Variants in PRKCZ observed in about 807,000 individuals in gnomAD.
PRKCZ encodes protein kinase C zeta type.
A neutral mutation model predicts 79.5 loss-of-function variants in PRKCZ; 33 were observed. The ratio of observed to expected loss-of-function variants is 0.41; its 90% CI spans 0.31 to 0.55. PRKCZ has a LOEUF of 0.55. Ranked by LOEUF, PRKCZ falls within the 20% of genes least tolerant of loss-of-function variation. PRKCZ has a pLI of 0.19. For synonymous variants in PRKCZ, 342 were observed against 320.9 expected (o/e 1.07, Z -0.70); for missense variants, 578 against 813.5 (o/e 0.71, Z 3.52).
chr1:2,080,325 A>G (rs376902755), intron 4 of PRKCZ, among the ~76,000 whole-genome samples: 2 of 150,560 alleles, frequency 1.3e-5, no homozygotes, highest in Non-Finnish European at 2.9e-5. Flanking sequence ...AGGTAGGGGC[A>G]GTGCGCGTGG....
At chr1:2,074,022 GA>G (rs1330883111) in intron 4 of PRKCZ, 41 of 1,433,336 alleles carry the variant, frequency 2.9e-5, no homozygotes, top group Non-Finnish European at 3.4e-5. Flanking sequence ...GACGGTGCCC[GA>G]GTCAGCATTT....
rs1679481253 is a variant in PRKCZ at position 2,149,859 on chromosome 1, T to TG, written c.688-931_688-930insG. On this transcript the variant is annotated intron_variant, in intron 8 of 17. Transcript: ENST00000378567. The surrounding 1 kb of genome is among the most constrained non-coding windows in gnomAD (Gnocchi z 4.1). Reference sequence around the variant, plus strand: ...CTGGGCGACAGAGGAAGAGTCTGTCTCAAAAAAAGCAGAATCCGGCTGGGC... The same window carrying TG: ...CTGGGCGACAGAGGAAGAGTCTGTCTGCAAAAAAAGCAGAATCCGGCTGGGC... Among the ~76,000 whole-genome samples the TG allele has an allele frequency of 2.0e-5, 3 of 150,716 alleles. No individual in the cohort carries two copies. The highest frequency in any genetic ancestry group is 4.4e-5 in the Non-Finnish European group (3 of 67,754).
intron 16 of PRKCZ, among the ~76,000 whole-genome samples, chr1:2,179,480 G>A (rs1192618774): frequency 6.6e-6 from 1 of 152,230 alleles, no homozygotes; most frequent in Admixed American, 6.5e-5. Context: ...AGGAGTCTGA[G>A]ATTTGAAGCG....
intron 4 of PRKCZ, chr1:2,105,001 G>C (rs1668131609): frequency 1.2e-6 from 1 of 838,482 alleles, no homozygotes; most frequent in Non-Finnish European, 1.4e-6. Flanking sequence ...TGTTGACCTT[G>C]ATCTGTGACA....
intron 4 of PRKCZ, among the ~76,000 whole-genome samples, chr1:2,068,940 C>T (rs1661340982): frequency 2.0e-5 from 3 of 152,306 alleles, no homozygotes; most frequent in Admixed American, 2.0e-4. Context: ...CTTTCGGACC[C>T]CTCTAAGAAG....
intron 4 of PRKCZ, chr1:2,133,722 A>G (rs2103014313): frequency 6.5e-6 from 1 of 152,698 alleles, no homozygotes; most frequent in Non-Finnish European, 1.5e-5. Context: ...TGTGGCCCAC[A>G]GTACCTCCGT....
At chr1:2,074,291 C>T (rs1301216306) in intron 4 of PRKCZ, 3 of 1,549,348 alleles carry the variant, frequency 1.9e-6, no homozygotes, top group Admixed American at 2.0e-5. Flanking sequence ...TGGCCCAGGC[C>T]TGGTGGATGT....
In PRKCZ at chr1:2,147,928, C is replaced by T. The variant is rs572149342; in HGVS notation, c.635-944C>T. 3.8e-4 allele frequency among the ~76,000 whole-genome samples: 58 copies of T among 151,292 alleles called. 1 individual carries two copies. Among genetic ancestry groups the T allele is most frequent in the Middle Eastern group, 6.9e-3 (2 of 290 alleles). On this transcript the variant is annotated intron_variant, in intron 7 of 17. Transcript: ENST00000378567. ...CTTTCCGTCTGTTGTCCACTGACCTCTCCGTCTATCCATCTATCTATTGTC... is the reference window on the plus strand; with the variant it reads ...CTTTCCGTCTGTTGTCCACTGACCTTTCCGTCTATCCATCTATCTATTGTC...
rs148385117 is a variant in PRKCZ at position 2,121,214 on chromosome 1, C to A, written c.335-14048C>A. On this transcript the variant is annotated intron_variant, in intron 4 of 17. Coordinates refer to ENST00000378567, the MANE Select transcript of PRKCZ (RefSeq NM_002744.6). ...AATGGCCCCAGAACCCTTAACTCCT[C>A]CCAGTGTGGCGGGGGCAGTCTTGTC... 2.2e-4 allele frequency among the ~76,000 whole-genome samples: 33 copies of A among 152,346 alleles called. No homozygotes were observed. The East Asian group carries it at 5.4e-3, about 25-fold the overall frequency.
chr1:2,172,792 G>T lies in PRKCZ; in HGVS notation c.1285+404G>T, dbSNP rs1419478739. On this transcript the variant is annotated intron_variant, in intron 13 of 17. Transcript: ENST00000378567. The surrounding 1 kb of genome is among the most constrained non-coding windows in gnomAD (Gnocchi z 7.8). ...GGACCCCACAGGCCCTGCGGCTGAG[G>T]ACGCCGTGCACACCAGAGTGTTTCT... 6.6e-6 allele frequency among the ~76,000 whole-genome samples: 1 copy of T among 152,250 alleles called. No homozygotes were observed. Among genetic ancestry groups the T allele is most frequent in the Non-Finnish European group, 1.5e-5 (1 of 68,036 alleles).
rs1484202860 is a variant in PRKCZ at position 2,128,662 on chromosome 1, G to A, written c.335-6600G>A. ...GCTTCAGCAGAGCCTGGCACCCAGGGAGGTGGCAGGATGGGTCCCCAATGG... is the reference window on the plus strand; with the variant it reads ...GCTTCAGCAGAGCCTGGCACCCAGGAAGGTGGCAGGATGGGTCCCCAATGG... On this transcript the variant is annotated intron_variant, in intron 4 of 17. Transcript: ENST00000378567. This position sits in a 1 kb window ranked among gnomAD's most constrained non-coding sequence, Gnocchi z 6.5. 6.6e-6 allele frequency among the ~76,000 whole-genome samples: 1 copy of A among 152,178 alleles called. No individual in the cohort carries two copies. The highest frequency in any genetic ancestry group is 1.5e-5 in the Non-Finnish European group (1 of 68,038).
intron 1 of PRKCZ, chr1:2,051,055 G>A (rs1014196871): frequency 2.8e-5 from 6 of 210,964 alleles, no homozygotes; most frequent in Admixed American, 2.4e-4. Flanking sequence ...AACTCCTGGC[G>A]GGTTTCTTAA....
intron 4 of PRKCZ, among the ~76,000 whole-genome samples, chr1:2,114,877 C>G (rs1237416840): frequency 1.3e-5 from 2 of 152,230 alleles, no homozygotes; most frequent in Non-Finnish European, 2.9e-5. Flanking sequence ...GGCCTGGGTG[C>G]CTCCATTCTC....
At chr1:2,155,493 G>A (rs1050785417) in intron 9 of PRKCZ, among the ~76,000 whole-genome samples, 1 of 151,546 alleles carries the variant, frequency 6.6e-6, no homozygotes, top group Non-Finnish European at 1.5e-5. Flanking sequence ...GAAGGTGATG[G>A]TAACAGCGAC....
At chr1:2,081,126 G>A (rs947949105) in intron 4 of PRKCZ, among the ~76,000 whole-genome samples, 1 of 152,248 alleles carries the variant, frequency 6.6e-6, no homozygotes, top group Non-Finnish European at 1.5e-5. Flanking sequence ...CCTAAGAGGT[G>A]AGGAGCTACA....
At chr1:2,126,727 G>A (rs1002398905) in intron 4 of PRKCZ, among the ~76,000 whole-genome samples, 15 of 152,194 alleles carry the variant, frequency 9.9e-5, no homozygotes, top group African/African-American at 2.4e-4. Flanking sequence ...CCTGAGGCTT[G>A]GACTGTGAGA....
intron 4 of PRKCZ, among the ~76,000 whole-genome samples, chr1:2,095,413 C>T (rs1156684381): frequency 6.6e-6 from 1 of 152,104 alleles, no homozygotes; most frequent in Non-Finnish European, 1.5e-5. Flanking sequence ...GTGGAGGAGG[C>T]CACAACCGGT....
intron 4 of PRKCZ, among the ~76,000 whole-genome samples, chr1:2,117,471 C>T (rs1039271112): frequency 2.0e-5 from 3 of 151,862 alleles, no homozygotes; most frequent in Admixed American, 6.6e-5. Flanking sequence ...GTGGTTGCTC[C>T]GGAACCTCTC....
At chr1:2,147,224 A>G (rs1678760456) in intron 7 of PRKCZ, among the ~76,000 whole-genome samples, 1 of 149,274 alleles carries the variant, frequency 6.7e-6, no homozygotes, top group African/African-American at 2.5e-5. Flanking sequence ...CCATCTATCC[A>G]TCCATCTTTT....
Sources: gnomAD v4.1 joint callset for allele counts (sites outside exome capture counted in the v4.1 genomes callset) on GRCh38, gnomAD v4.1.1 for gene constraint, Gnocchi (gnomAD v3.1) non-coding constraint, MANE v1.5 for transcripts, NCBI Gene and HGNC (gene_info 2026-07-23, HGNC 2026-07-21) for gene names.